The following SNRNP27 variants were observed in gnomAD, a reference collection of about 807,000 sequenced individuals.
SNRNP27 encodes U4/U6.U5 small nuclear ribonucleoprotein 27 kDa protein.
In SNRNP27, 22 loss-of-function variants were observed where a neutral mutation model predicts 25.1. That is an observed-to-expected ratio of 0.88 (90% CI 0.63 to 1.25). SNRNP27 has a LOEUF of 1.25. Among genes scored for constraint, SNRNP27 ranks in the 50% most tolerant of loss-of-function variants. The pLI is 0.00. For missense variants in SNRNP27, 150 were observed against 202.3 expected, an observed-to-expected ratio of 0.74 and a Z score of 1.57; for synonymous variants, 66 against 64.9, an observed-to-expected ratio of 1.02 and a Z score of -0.08.
chr2:69,897,038 C>T (rs182143810), intron 3 of SNRNP27, among the ~76,000 whole-genome samples: 5 of 152,078 alleles, frequency 3.3e-5, no homozygotes, highest in Admixed American at 1.3e-4. Flanking sequence ...TGATATAGAA[C>T]GATAGTTAAA....
intron 1 of SNRNP27, among the ~76,000 whole-genome samples, chr2:69,894,776 G>C (rs1025405818): frequency 6.6e-6 from 1 of 152,098 alleles, no homozygotes; most frequent in African/African-American, 2.4e-5. Context: ...CCACCTCCTG[G>C]GTTCAAGCGA....
At chr2:69,898,585 AG>A (rs1269676518) in intron 4 of SNRNP27, among the ~76,000 whole-genome samples, 1 of 152,194 alleles carries the variant, frequency 6.6e-6, no homozygotes, top group Non-Finnish European at 1.5e-5. Flanking sequence ...CACTTTCCCA[AG>A]TCTTGTATTC....
intron 4 of SNRNP27, among the ~76,000 whole-genome samples, chr2:69,899,186 G>A (rs1676650360): frequency 6.6e-6 from 1 of 152,084 alleles, no homozygotes; most frequent in South Asian, 2.1e-4. Flanking sequence ...AAATTATGGA[G>A]TACCATCACA....
intron 3 of SNRNP27, 127 bp from the exon 4 acceptor site, chr2:69,897,250 T>G (rs1283169152): frequency 1.6e-6 from 1 of 614,140 alleles, no homozygotes; most frequent in East Asian, 2.9e-5. Context: ...AGACTCATCT[T>G]CAGCTAATTG....
chr2:69,896,180 A>G (rs1406423423), intron 2 of SNRNP27, among the ~76,000 whole-genome samples: 1 of 152,168 alleles, frequency 6.6e-6, no homozygotes, highest in African/African-American at 2.4e-5. Flanking sequence ...GGTTGTTAGA[A>G]ACTTTTAATT....
chr2:69,897,811 G>A (rs1471237734), intron 4 of SNRNP27: 3 of 176,612 alleles, frequency 1.7e-5, no homozygotes, highest in South Asian at 1.4e-4. Flanking sequence ...GGTGCTGATG[G>A]GCTAGTGACT....
intron 5 of SNRNP27, chr2:69,903,517 G>T: frequency 2.9e-6 from 1 of 350,412 alleles, no homozygotes; most frequent in Non-Finnish European, 5.2e-6. Context: ...AAGTCTATGG[G>T]CTTTGATTTC....
At chr2:69,896,583 A>G in intron 3 of SNRNP27, 35 bp downstream of exon 3, 5 of 1,535,044 alleles carry the variant, frequency 3.3e-6, no homozygotes, top group Non-Finnish European at 4.4e-6. Flanking sequence ...TAGGAAAAGT[A>G]CAGTGATGAT....
intron 4 of SNRNP27, among the ~76,000 whole-genome samples, chr2:69,898,788 AT>A (rs1318596819): frequency 2.0e-5 from 3 of 152,218 alleles, no homozygotes; most frequent in African/African-American, 7.2e-5. Flanking sequence ...CTGTTTTGGA[AT>A]TTAATGAAGT....
intron 4 of SNRNP27, among the ~76,000 whole-genome samples, chr2:69,901,633 TAGTG>T (rs1225572642): frequency 6.6e-6 from 1 of 151,872 alleles, no homozygotes; most frequent in East Asian, 1.9e-4. Flanking sequence ...CTGGGCAACA[TAGTG>T]AGATCCCATC....
At chr2:69,897,085 A>G (rs1442780049) in intron 3 of SNRNP27, among the ~76,000 whole-genome samples, 1 of 152,180 alleles carries the variant, frequency 6.6e-6, no homozygotes, top group Admixed American at 6.5e-5. Flanking sequence ...TGTCTTCAGA[A>G]CTATATAGTG....
intron 1 of SNRNP27, among the ~76,000 whole-genome samples, chr2:69,894,310 C>G (rs1669524796): frequency 1.3e-5 from 2 of 152,128 alleles, no homozygotes; most frequent in Non-Finnish European, 2.9e-5. Flanking sequence ...ACCTCAGTTC[C>G]TTTGCTGAAT....
In SNRNP27 at chr2:69,904,425, AG is replaced by A; in HGVS notation, c.*118del. 1.2e-6 allele frequency: 1 copy of A among 819,420 alleles called. No individual in the cohort carries two copies. The highest frequency in any genetic ancestry group is 1.7e-5 in the African/African-American group (1 of 58,482). 50.8% of individuals were successfully genotyped at this position (819,420 alleles called of 1,614,324 possible). ...GGATCTCAGTTCTCCTTTCTTGTAA[AG>A]TAAGAAAATCTTATTTATGATATAT... On this transcript the variant is annotated 3_prime_UTR_variant, in exon 6 of 6. Transcript: ENST00000244227.
chr2:69,901,548 G>A (rs1449766483), intron 4 of SNRNP27, among the ~76,000 whole-genome samples: 1 of 152,202 alleles, frequency 6.6e-6, no homozygotes, highest in Admixed American at 6.5e-5. Flanking sequence ...GGGCACAACG[G>A]CTCATGCCTG....
At chr2:69,896,855 G>C (rs1398016346) in intron 3 of SNRNP27, among the ~76,000 whole-genome samples, 1 of 152,084 alleles carries the variant, frequency 6.6e-6, no homozygotes, top group East Asian at 1.9e-4. Flanking sequence ...TGTATTTTTA[G>C]TAGAGACGGG....
intron 1 of SNRNP27, among the ~76,000 whole-genome samples, chr2:69,894,814 T>A (rs1676570656): frequency 6.6e-6 from 1 of 152,120 alleles, no homozygotes; most frequent in Non-Finnish European, 1.5e-5. Context: ...TCCGAGTAGC[T>A]GGGATTACCC....
intron 4 of SNRNP27, among the ~76,000 whole-genome samples, chr2:69,902,131 A>G (rs1676708755): frequency 6.6e-6 from 1 of 152,190 alleles, no homozygotes; most frequent in Admixed American, 6.5e-5. Flanking sequence ...GTGAGCAGAG[A>G]GTTATACCAC....
chr2:69,894,046 TG>T, intron 1 of SNRNP27, 28 bp downstream of exon 1: 1 of 1,602,998 alleles, frequency 6.2e-7, no homozygotes, highest in Non-Finnish European at 8.5e-7. Flanking sequence ...TCGGAGGATA[TG>T]GGGCTCTGTT....
In SNRNP27 at chr2:69,895,157, C is replaced by T; in HGVS notation, c.98C>T (p.Ser33Phe). ...RERRRRERSRSRERDRRRSRS... is the reference protein window; with the variant it reads ...RERRRRERSRFRERDRRRSRS... The stretch of plus-strand genomic sequence containing the variant: ...CGCAGGCGCCGAGAAAGGTCCAGGT[C>T]TCGGGAGAGAGATCGGAGAAGGAGC... Residue 33 changes from serine to phenylalanine, a missense_variant, in exon 2 of 6, where the codon TCT becomes TTT. Ser to Phe is a radical substitution (Grantham distance 155, BLOSUM62 -2). Transcript: ENST00000244227. 1 of 1,614,076 alleles carries T rather than the reference C, an allele frequency of 6.2e-7. No individual in the cohort carries two copies. The highest frequency in any genetic ancestry group is 8.5e-7 in the Non-Finnish European group (1 of 1,180,014).
Sources: gnomAD v4.1 joint callset for allele counts (sites outside exome capture counted in the v4.1 genomes callset) on GRCh38, gnomAD v4.1.1 for gene constraint, MANE v1.5 for transcripts, NCBI Gene and HGNC (gene_info 2026-07-23, HGNC 2026-07-21) for gene names.